The following SPATA13 variants were observed in gnomAD, a reference collection of about 807,000 sequenced individuals.
SPATA13 encodes the protein spermatogenesis-associated protein 13.
SPATA13 carries 50 observed loss-of-function variants against 104.0 expected under a neutral mutation model. That is an observed-to-expected ratio of 0.48 (90% CI 0.38 to 0.61). The LOEUF (loss-of-function observed/expected upper bound fraction) is 0.61, where lower values mean the gene tolerates loss of function less well. Among genes scored for constraint, SPATA13 ranks in the 20% least tolerant of loss-of-function variants. The pLI is 0.00. For synonymous variants in SPATA13, 606 were observed against 667.5 expected, an observed-to-expected ratio of 0.91 and a Z score of 1.42; for missense variants, 1,524 against 1,690.6, an observed-to-expected ratio of 0.90 and a Z score of 1.73.
At chr13:24,029,390 A>C (rs17079787) in intron 3 of SPATA13, among the ~76,000 whole-genome samples, 19,362 of 152,256 alleles carry the variant, frequency 0.13, 1,735 homozygotes, top group East Asian at 0.51. Flanking sequence ...GTGTGAAATC[A>C]AGACCCAAAT....
intron 1 of SPATA13, 128 bp from the exon 2 acceptor site, chr13:24,222,691 C>A: frequency 2.8e-6 from 2 of 717,602 alleles, no homozygotes; most frequent in Non-Finnish European, 4.5e-6. Flanking sequence ...GGGAAATGTA[C>A]AGTTTTAATT....
rs1213834909 is a variant in SPATA13 at position 24,302,833 on chromosome 13, T to C, written c.*60T>C. The C allele has an allele frequency of 1.2e-6, 2 of 1,607,680 alleles. No individual in the cohort carries two copies. Among genetic ancestry groups the C allele is most frequent in the East Asian group, 2.2e-5 (1 of 44,862 alleles). The stretch of plus-strand genomic sequence containing the variant: ...CAAGAGAAGAACTGTCTTTGTTTCT[T>C]GTGTGCTTCAATCCAGGGAAAGTTT... On this transcript the variant is annotated 3_prime_UTR_variant, in exon 13 of 13. Coordinates refer to ENST00000382108, the MANE Select transcript of SPATA13 (RefSeq NM_001166271.3).
At chr13:24,037,318 G>A (rs1593292080) in intron 3 of SPATA13, among the ~76,000 whole-genome samples, 1 of 151,304 alleles carries the variant, frequency 6.6e-6, no homozygotes, top group East Asian at 1.9e-4. Context: ...AAACCTGCAC[G>A]TTGTGCACAT....
intron 5 of SPATA13, 70 bp downstream of exon 5, chr13:24,284,341 CT>C: frequency 6.7e-7 from 1 of 1,499,606 alleles, no homozygotes. Context: ...CCACTTCTGA[CT>C]TTGTTCCCTA....
At position 24,292,995 on chromosome 13, in the gene SPATA13, CAAAAAAAAAA is replaced by C. The variant is rs34221097; in HGVS notation, c.3081-1726_3081-1717del. On this transcript the variant is annotated intron_variant, in intron 9 of 12. Coordinates refer to ENST00000382108, the MANE Select transcript of SPATA13 (RefSeq NM_001166271.3). ...TGGGTGACAGAGTGAGACTTTGTCTCAAAAAAAAAAAAAAAAAAAAAAAAAAAGGCGAGGG... is the reference window on the plus strand; with the variant it reads ...TGGGTGACAGAGTGAGACTTTGTCTCAAAAAAAAAAAAAAAAAGGCGAGGG... Among the ~76,000 whole-genome samples, 9 of 23,930 alleles carry C rather than the reference CAAAAAAAAAA, an allele frequency of 3.8e-4. No homozygotes were observed. In the South Asian group the frequency reaches 0.011, roughly 28 times the overall value. The allele number at this position is 23,930 out of a possible 152,430, so 15.7% of individuals were successfully genotyped here.
chr13:24,032,624 T>C (rs906342142), intron 3 of SPATA13, among the ~76,000 whole-genome samples: 2 of 152,170 alleles, frequency 1.3e-5, no homozygotes, highest in African/African-American at 2.4e-5. Context: ...ATAGAAGATT[T>C]TGGTTGAAAA....
chr13:24,276,510 A>AGAG (rs1874990903), intron 4 of SPATA13, among the ~76,000 whole-genome samples: 1 of 152,218 alleles, frequency 6.6e-6, no homozygotes, highest in African/African-American at 2.4e-5. Flanking sequence ...GAGAGGAAGA[A>AGAG]GAGGAAGTTG....
chr13:24,131,355 A>G (rs1197504781), intron 3 of SPATA13, among the ~76,000 whole-genome samples: 1 of 152,182 alleles, frequency 6.6e-6, no homozygotes, highest in Non-Finnish European at 1.5e-5. Context: ...CCCCAGGGCC[A>G]AGGACCAGCT....
chr13:24,035,786 G>T (rs947147281), intron 3 of SPATA13, among the ~76,000 whole-genome samples: 2 of 152,098 alleles, frequency 1.3e-5, no homozygotes, highest in Non-Finnish European at 2.9e-5. Context: ...GGCCAAGGCG[G>T]GTGGATCACT....
chr13:24,014,954 T>C (rs1158952896), intron 2 of SPATA13, among the ~76,000 whole-genome samples: 2 of 141,604 alleles, frequency 1.4e-5, no homozygotes, highest in African/African-American at 5.1e-5. Flanking sequence ...GCAGTGGCGC[T>C]ATCTGGGCTC....
intron 4 of SPATA13, among the ~76,000 whole-genome samples, chr13:24,254,727 C>T (rs1200241139): frequency 2.0e-5 from 3 of 152,220 alleles, no homozygotes; most frequent in Non-Finnish European, 4.4e-5. Flanking sequence ...ACCGTATCAT[C>T]AGCTTTGTTG....
chr13:24,210,000 C>G (rs1482274556), intron 1 of SPATA13, among the ~76,000 whole-genome samples: 1 of 152,166 alleles, frequency 6.6e-6, no homozygotes, highest in Non-Finnish European at 1.5e-5. Context: ...GTTTGATTTG[C>G]ATTTCCCTGA....
chr13:24,005,312 A>G (rs1876171475), intron 2 of SPATA13, among the ~76,000 whole-genome samples: 1 of 152,218 alleles, frequency 6.6e-6, no homozygotes, highest in South Asian at 2.1e-4. Context: ...ACATTCCTAA[A>G]AGATACTTGT....
chr13:24,128,647 C>G (rs753226902), intron 3 of SPATA13, among the ~76,000 whole-genome samples: 30 of 151,702 alleles, frequency 2.0e-4, no homozygotes, highest in Non-Finnish European at 1.3e-4. Flanking sequence ...GTGGACAGGC[C>G]TTGTTGTGGA....
At chr13:23,989,437 T>G (rs1313397717) in intron 2 of SPATA13, among the ~76,000 whole-genome samples, 6 of 151,926 alleles carry the variant, frequency 3.9e-5, no homozygotes, top group Non-Finnish European at 8.8e-5. Context: ...AAAAAAAGAT[T>G]TACTCAAGTT....
chr13:24,123,407 G>T, intron 3 of SPATA13: 2 of 1,293,082 alleles, frequency 1.5e-6, no homozygotes, highest in Non-Finnish European at 2.3e-6. Context: ...CACTGCTGAA[G>T]AGGGGGAGTA....
At chr13:24,261,528 G>A (rs928996817) in intron 4 of SPATA13, among the ~76,000 whole-genome samples, 1 of 152,212 alleles carries the variant, frequency 6.6e-6, no homozygotes, top group African/African-American at 2.4e-5. Flanking sequence ...AGTGTGATAT[G>A]AGTGGGGGTA....
chr13:23,987,694 T>G (rs1445636470), intron 2 of SPATA13, among the ~76,000 whole-genome samples: 2 of 152,212 alleles, frequency 1.3e-5, no homozygotes, highest in African/African-American at 4.8e-5. Context: ...TTCAGCACAT[T>G]CACATTATTG....
intron 1 of SPATA13, among the ~76,000 whole-genome samples, chr13:24,219,392 T>G (rs1871446187): frequency 6.6e-6 from 1 of 152,258 alleles, no homozygotes; most frequent in Non-Finnish European, 1.5e-5. Flanking sequence ...CCCAATTTTT[T>G]GCATGTGTTT....
Sources: gnomAD v4.1 joint callset for allele counts (sites outside exome capture counted in the v4.1 genomes callset) on GRCh38, gnomAD v4.1.1 for gene constraint, MANE v1.5 for transcripts, NCBI Gene and HGNC (gene_info 2026-07-23, HGNC 2026-07-21) for gene names.